KAZN: variants seen among roughly 807,000 people sequenced by gnomAD.
The protein encoded by KAZN is kazrin.
In KAZN, 40 loss-of-function variants were observed where a neutral mutation model predicts 87.4. The ratio of observed to expected loss-of-function variants is 0.46; its 90% CI spans 0.36 to 0.60. The LOEUF (loss-of-function observed/expected upper bound fraction) is 0.60, where lower values mean the gene tolerates loss of function less well. KAZN is among the 20% of genes least tolerant of loss of function. The pLI is 0.00. For missense variants in KAZN, 898 were observed against 1,073.9 expected (o/e 0.84, Z 2.29); for synonymous variants, 466 against 458.3 (o/e 1.02, Z -0.22).
chr1:13,964,476 A>T (rs920042692), intron 1 of KAZN, among the ~76,000 whole-genome samples: 4 of 152,234 alleles, frequency 2.6e-5, no homozygotes, highest in Non-Finnish European at 5.9e-5. Context: ...GGCTGGGTTC[A>T]GCTGGGCAGT....
At chr1:14,610,088 G>A (rs1372115659) in intron 1 of KAZN, among the ~76,000 whole-genome samples, 2 of 152,218 alleles carry the variant, frequency 1.3e-5, no homozygotes, top group African/African-American at 4.8e-5. Context: ...AGTGGCCCAC[G>A]ATGAAAGGGG....
intron 1 of KAZN, among the ~76,000 whole-genome samples, chr1:14,123,040 GT>G (rs1442885799): frequency 6.6e-6 from 1 of 152,178 alleles, no homozygotes; most frequent in African/African-American, 2.4e-5. Context: ...CAGAAAAGAT[GT>G]AAAAATTACG....
intron 1 of KAZN, among the ~76,000 whole-genome samples, chr1:14,135,720 C>T (rs1345359340): frequency 6.6e-6 from 1 of 152,142 alleles, no homozygotes; most frequent in African/African-American, 2.4e-5. Context: ...TCATTGGCTC[C>T]AAGCTAACTT....
chr1:14,396,053 A>T (rs952930271), intron 2 of KAZN, among the ~76,000 whole-genome samples: 1 of 151,606 alleles, frequency 6.6e-6, no homozygotes, highest in African/African-American at 2.4e-5. Context: ...CTGTAATCCC[A>T]GCCACTCAGG....
At chr1:14,520,135 T>C (rs1671510329) in intron 2 of KAZN, among the ~76,000 whole-genome samples, 1 of 152,144 alleles carries the variant, frequency 6.6e-6, no homozygotes, top group South Asian at 2.1e-4. Flanking sequence ...GAGGCCAGTA[T>C]GGCTCATGGA....
intron 1 of KAZN, among the ~76,000 whole-genome samples, chr1:14,615,500 C>T (rs1039047830): frequency 9.9e-5 from 15 of 152,168 alleles, no homozygotes; most frequent in Admixed American, 8.5e-4. Flanking sequence ...GTGGTGCACA[C>T]CTGTAATTCC....
intron 11 of KAZN, 24 bp downstream of exon 11, chr1:15,101,798 G>A: frequency 1.3e-6 from 2 of 1,519,878 alleles, no homozygotes; most frequent in Non-Finnish European, 1.8e-6. Context: ...CACAGGGTGG[G>A]GGCACCTTCC....
At chr1:13,961,230 TACTGCACTCAAAGAATAAACCATAA>T (rs1168904333) in intron 1 of KAZN, among the ~76,000 whole-genome samples, 2 of 152,192 alleles carry the variant, frequency 1.3e-5, no homozygotes, top group Non-Finnish European at 2.9e-5. Context: ...ACTTGACTTC[TACTGCACTCAAAGAATAAACCATAA>T]ACTGCACTCA....
chr1:14,452,486 G>T (rs915231340), intron 2 of KAZN, among the ~76,000 whole-genome samples: 1 of 152,162 alleles, frequency 6.6e-6, no homozygotes, highest in African/African-American at 2.4e-5. Flanking sequence ...GGGCTGCAAG[G>T]ACAGGCAAAA....
At chr1:14,420,479 C>G (rs573244559) in intron 2 of KAZN, among the ~76,000 whole-genome samples, 13 of 152,236 alleles carry the variant, frequency 8.5e-5, no homozygotes, top group Admixed American at 7.8e-4. Context: ...AGTCCCGCAC[C>G]ATGCACCCAC....
At chr1:15,043,923 G>A (rs1206945561) in intron 3 of KAZN, 66 bp from the exon 4 acceptor site, 2 of 1,484,778 alleles carry the variant, frequency 1.3e-6, no homozygotes, top group African/African-American at 2.8e-5. Context: ...CCCCCTCTAG[G>A]CATCCCTGGG....
chr1:14,514,387 T>TATATTTATATATATTA (rs1671120794), intron 2 of KAZN, among the ~76,000 whole-genome samples: 1 of 11,700 alleles, frequency 8.5e-5, no homozygotes, highest in African/African-American at 4.1e-4. Flanking sequence ...TATATATATA[T>TATATTTATATATATTA]TATATATATT....
chr1:14,390,427 A>G lies in KAZN; in HGVS notation c.250-208556A>G, dbSNP rs368144284. The stretch of plus-strand genomic sequence containing the variant: ...AGTTAAAATGTTGCATAGGGAAGCC[A>G]GGGAGGCCTCACCAAGGGGTGCCAC... On this transcript the variant is annotated intron_variant, in intron 2 of 16. Transcript: ENST00000636203. 5.5e-3 allele frequency among the ~76,000 whole-genome samples: 841 copies of G among 152,360 alleles called. 4 individuals carry two copies. Among genetic ancestry groups the G allele is most frequent in the Non-Finnish European group, 8.8e-3 (602 of 68,024 alleles).
At chr1:14,403,829 C>A (rs1663614712) in intron 2 of KAZN, among the ~76,000 whole-genome samples, 1 of 152,088 alleles carries the variant, frequency 6.6e-6, no homozygotes, top group Non-Finnish European at 1.5e-5. Context: ...GGGGTAATAC[C>A]CAACATTCAT....
chr1:14,763,998 C>G (rs1476966261), intron 1 of KAZN, among the ~76,000 whole-genome samples: 1 of 152,164 alleles, frequency 6.6e-6, no homozygotes, highest in Non-Finnish European at 1.5e-5. Context: ...ATCCACCCAT[C>G]TCGGCCTCCC....
intron 2 of KAZN, among the ~76,000 whole-genome samples, chr1:14,199,092 T>C (rs144261737): frequency 3.1e-4 from 47 of 152,310 alleles, no homozygotes; most frequent in South Asian, 6.2e-4. Context: ...ATGATTCCTG[T>C]ATTTTGACTT....
chr1:15,075,609 T>A (rs1363474553), intron 8 of KAZN, among the ~76,000 whole-genome samples: 7 of 152,136 alleles, frequency 4.6e-5, no homozygotes, highest in Admixed American at 3.9e-4. Context: ...CCATGAGAAG[T>A]CTCTGTGGCT....
At chr1:14,426,427 A>G (rs1170256879) in intron 2 of KAZN, among the ~76,000 whole-genome samples, 3 of 152,166 alleles carry the variant, frequency 2.0e-5, no homozygotes, top group East Asian at 3.9e-4. Flanking sequence ...GAGGGCAGAG[A>G]CTTTCTCTGG....
At chr1:14,215,151 A>C (rs540216912) in intron 2 of KAZN, among the ~76,000 whole-genome samples, 4 of 152,196 alleles carry the variant, frequency 2.6e-5, no homozygotes, top group Non-Finnish European at 5.9e-5. Flanking sequence ...GAGCTATGAA[A>C]TTGACAAAGT....
Sources: allele counts gnomAD v4.1 joint callset (sites outside exome capture counted in the v4.1 genomes callset), GRCh38; gene constraint gnomAD v4.1.1; transcripts MANE v1.5; gene names NCBI Gene and HGNC (gene_info 2026-07-23, HGNC 2026-07-21).